The following ADCY1 variants were observed in gnomAD, a reference collection of about 807,000 sequenced individuals.
ADCY1 encodes the protein adenylate cyclase type 1.
In ADCY1, 28 loss-of-function variants were observed where a neutral mutation model predicts 105.4. That is an observed-to-expected ratio of 0.27 (90% CI 0.20 to 0.36). The LOEUF is 0.36. Among genes scored for constraint, ADCY1 ranks in the 10% least tolerant of loss-of-function variants. The probability of loss-of-function intolerance (pLI) is 1.00; values close to 1 mark genes in which losing one functional copy is unlikely to be tolerated. For missense variants in ADCY1, 977 were observed against 1,434.2 expected (o/e 0.68, Z 5.15); for synonymous variants, 655 against 623.8 (o/e 1.05, Z -0.75).
At chr7:45,701,927 G>A (rs1374290353) in intron 14 of ADCY1, among the ~76,000 whole-genome samples, 1 of 152,100 alleles carries the variant, frequency 6.6e-6, no homozygotes, top group Admixed American at 6.6e-5. Context: ...TCTGGTCTAC[G>A]CTCCTTAAGG....
intron 1 of ADCY1, among the ~76,000 whole-genome samples, chr7:45,585,320 T>C (rs1159073053): frequency 6.6e-6 from 1 of 152,210 alleles, no homozygotes; most frequent in African/African-American, 2.4e-5. Flanking sequence ...GAAATATCTC[T>C]GATAGTTAAT....
chr7:45,620,698 G>GT (rs1188716174), intron 3 of ADCY1, among the ~76,000 whole-genome samples: 2 of 152,160 alleles, frequency 1.3e-5, no homozygotes, highest in Non-Finnish European at 2.9e-5. Context: ...AGAAAAACGA[G>GT]TTATCATCTA....
chr7:45,596,719 G>A (rs910880419), intron 2 of ADCY1, among the ~76,000 whole-genome samples: 1 of 152,208 alleles, frequency 6.6e-6, no homozygotes, highest in Non-Finnish European at 1.5e-5. Context: ...CCCATGCACG[G>A]TGTTTGAGGG....
intron 19 of ADCY1, among the ~76,000 whole-genome samples, chr7:45,712,285 G>A (rs2116285873): frequency 7.3e-6 from 1 of 137,884 alleles, no homozygotes; most frequent in Non-Finnish European, 1.5e-5. Context: ...TTTTTACAAT[G>A]ACTGTATCCT....
intron 11 of ADCY1, chr7:45,684,266 A>G (rs1354453025): frequency 6.6e-6 from 1 of 152,318 alleles, no homozygotes; most frequent in Non-Finnish European, 1.5e-5. Flanking sequence ...GTGATGCTGG[A>G]CTGGGTGGAT....
chr7:45,654,833 C>T (rs111394389), intron 5 of ADCY1, among the ~76,000 whole-genome samples: 156 of 152,228 alleles, frequency 1.0e-3, no homozygotes, highest in Non-Finnish European at 1.8e-3. Flanking sequence ...TATTCTAGAT[C>T]GAGAAGCTGC....
At chr7:45,657,916 G>GGT in intron 6 of ADCY1, 31 bp downstream of exon 6, 6 of 502,914 alleles carry the variant, frequency 1.2e-5, no homozygotes, top group Non-Finnish European at 2.4e-5. Flanking sequence ...GGAGGGGAGG[G>GGT]AGGTGGGTGA....
At chr7:45,612,112 A>G (rs1162749174) in intron 3 of ADCY1, among the ~76,000 whole-genome samples, 1 of 152,194 alleles carries the variant, frequency 6.6e-6, no homozygotes, top group Admixed American at 6.5e-5. Context: ...GCCCATTGTC[A>G]TGCTATTAAG....
chr7:45,643,978 G>T (rs1303055227), intron 4 of ADCY1, among the ~76,000 whole-genome samples: 1 of 152,106 alleles, frequency 6.6e-6, no homozygotes, highest in Non-Finnish European at 1.5e-5. Flanking sequence ...GCTCTTCTGC[G>T]CTATCTCTGT....
intron 2 of ADCY1, among the ~76,000 whole-genome samples, chr7:45,594,347 C>T (rs1417219426): frequency 6.6e-6 from 1 of 152,178 alleles, no homozygotes; most frequent in Non-Finnish European, 1.5e-5. Flanking sequence ...GGAGAGATAT[C>T]TCCTTTGTGC....
intron 5 of ADCY1, among the ~76,000 whole-genome samples, chr7:45,656,063 A>G (rs1040289307): frequency 2.6e-5 from 4 of 152,138 alleles, no homozygotes; most frequent in African/African-American, 7.2e-5. Context: ...CAAGGCAGGC[A>G]GATCACGAGG....
intron 17 of ADCY1, among the ~76,000 whole-genome samples, chr7:45,704,905 C>T (rs1421904716): frequency 1.3e-5 from 2 of 151,852 alleles, no homozygotes; most frequent in African/African-American, 4.8e-5. Flanking sequence ...CCGCACTGGC[C>T]CACCTCCTCA....
chr7:45,653,021 A>G (rs1794851510), intron 5 of ADCY1, among the ~76,000 whole-genome samples: 1 of 152,202 alleles, frequency 6.6e-6, no homozygotes, highest in Non-Finnish European at 1.5e-5. Flanking sequence ...GGAGTGTGGT[A>G]TACTATTTTG....
At chr7:45,698,288 A>C (rs1259474322) in intron 14 of ADCY1, among the ~76,000 whole-genome samples, 1 of 152,118 alleles carries the variant, frequency 6.6e-6, no homozygotes, top group Non-Finnish European at 1.5e-5. Context: ...TTATTCTCTC[A>C]TTTTCTAATA....
chr7:45,698,512 A>G (rs1167274713), intron 14 of ADCY1, among the ~76,000 whole-genome samples: 1 of 152,150 alleles, frequency 6.6e-6, no homozygotes, highest in Non-Finnish European at 1.5e-5. Context: ...CATGAGAGAG[A>G]GGCCTGGGTT....
At chr7:45,672,148 A>G (rs1381393713) in intron 8 of ADCY1, among the ~76,000 whole-genome samples, 1 of 151,962 alleles carries the variant, frequency 6.6e-6, no homozygotes, top group African/African-American at 2.4e-5. Flanking sequence ...TTTAGATTTT[A>G]TTTTTGCTTA....
At chr7:45,672,251 A>T (rs1784381515) in intron 8 of ADCY1, among the ~76,000 whole-genome samples, 1 of 152,014 alleles carries the variant, frequency 6.6e-6, no homozygotes. Context: ...AGTTGGCCAT[A>T]CTTATGTGAG....
chr7:45,675,010 T>C (rs1784428928), intron 8 of ADCY1, among the ~76,000 whole-genome samples: 1 of 152,196 alleles, frequency 6.6e-6, no homozygotes, highest in African/African-American at 2.4e-5. Flanking sequence ...CCTCTTTTAA[T>C]TGGTATATTT....
chr7:45,697,737 C>T (rs1005574252), intron 14 of ADCY1, among the ~76,000 whole-genome samples: 33 of 152,166 alleles, frequency 2.2e-4, no homozygotes, highest in African/African-American at 8.0e-4. Context: ...CTGTCTGAAA[C>T]ACTGGACACA....
Sources: gnomAD v4.1 joint callset for allele counts (sites outside exome capture counted in the v4.1 genomes callset) on GRCh38, gnomAD v4.1.1 for gene constraint, MANE v1.5 for transcripts, NCBI Gene and HGNC (gene_info 2026-07-23, HGNC 2026-07-21) for gene names.